USP31: variants seen among roughly 807,000 people sequenced by gnomAD.
The protein encoded by USP31 is ubiquitin carboxyl-terminal hydrolase 31.
USP31 carries 44 observed loss-of-function variants against 119.4 expected under a neutral mutation model. The observed-to-expected ratio is 0.37, with a 90% CI of 0.29 to 0.47. The LOEUF (loss-of-function observed/expected upper bound fraction) is 0.47, where lower values mean the gene tolerates loss of function less well. Ranked by LOEUF, USP31 falls within the 20% of genes least tolerant of loss-of-function variation. The probability of loss-of-function intolerance (pLI) is 0.99; values close to 1 mark genes in which losing one functional copy is unlikely to be tolerated. For missense variants in USP31, 1,643 were observed against 1,730.2 expected, an observed-to-expected ratio of 0.95 and a Z score of 0.89; for synonymous variants, 749 against 705.6, an observed-to-expected ratio of 1.06 and a Z score of -0.97.
intron 1 of USP31, among the ~76,000 whole-genome samples, chr16:23,136,437 G>A (rs1467810733): frequency 1.3e-5 from 2 of 152,178 alleles, no homozygotes; most frequent in Non-Finnish European, 2.9e-5. Context: ...TGGATCACCT[G>A]AGGTCAGGAG....
Position 23,149,323 on chromosome 16 carries a change from C to T in USP31, c.-53G>A, listed in dbSNP as rs1903649848. The T allele has an allele frequency of 9.9e-7, 1 of 1,011,180 alleles. No homozygotes were observed. The allele number at this position is 1,011,180 out of a possible 1,614,324, so 62.6% of individuals were successfully genotyped here. A position where few individuals can be genotyped will look rare whatever the true frequency, so the allele number is the denominator to read the frequency against. ...CGCCCGCCCGCCCGGCCCGCGGCCCCGCCACGGCCGCCGCCGCATCCCGCA... is the reference window on the plus strand; with the variant it reads ...CGCCCGCCCGCCCGGCCCGCGGCCCTGCCACGGCCGCCGCCGCATCCCGCA... On this transcript the variant is annotated 5_prime_UTR_variant, in exon 1 of 16. Transcript: ENST00000219689.
chr16:23,069,475 G>C lies in USP31; in HGVS notation c.2630C>G (p.Ser877Cys). The C allele has an allele frequency of 6.2e-7, 1 of 1,614,228 alleles. No individual in the cohort carries two copies. The highest frequency in any genetic ancestry group is 8.5e-7 in the Non-Finnish European group (1 of 1,180,044). Residue 877 changes from serine to cysteine, a missense_variant, in exon 16 of 16, where the codon TCC becomes TGC. By Grantham distance (112) the Ser-to-Cys change is moderately radical (BLOSUM62 -1). This residue lies in a region of USP31 where 699 missense variants were observed against 650.9 expected (regional missense o/e 1.07). Transcript: ENST00000219689. ...CCCTGAAAATCGGGATGGAGAATTG[G>C]AGCGCATCTGCAGCTTAGCAGACAG... ...WSLSAKLQMR[S>C]NSPSRFSGDS...
chr16:23,087,014 T>A, intron 9 of USP31, 78 bp downstream of exon 9: 1 of 1,098,958 alleles, frequency 9.1e-7, no homozygotes, highest in Non-Finnish European at 1.3e-6. Flanking sequence ...ATGTGGAAAT[T>A]ATATAAGACA....
intron 1 of USP31, among the ~76,000 whole-genome samples, chr16:23,134,815 G>T (rs1903138932): frequency 6.6e-6 from 1 of 151,438 alleles, no homozygotes; most frequent in Non-Finnish European, 1.5e-5. Flanking sequence ...ATATACAAAA[G>T]TACCAAACTA....
intron 1 of USP31, among the ~76,000 whole-genome samples, chr16:23,129,268 A>G (rs1460513201): frequency 6.6e-6 from 1 of 152,254 alleles, no homozygotes; most frequent in Non-Finnish European, 1.5e-5. Flanking sequence ...CAGATGTATC[A>G]ATCCATTGAA....
At chr16:23,107,165 AT>A (rs1902143013) in intron 2 of USP31, among the ~76,000 whole-genome samples, 1 of 151,860 alleles carries the variant, frequency 6.6e-6, no homozygotes, top group Admixed American at 6.6e-5. Flanking sequence ...CCTAGTACCT[AT>A]TACCTGTGCT....
intron 13 of USP31, among the ~76,000 whole-genome samples, chr16:23,074,535 T>C (rs4967964): frequency 0.27 from 41,631 of 152,158 alleles, 6,131 homozygotes; most frequent in Admixed American, 0.35. Flanking sequence ...AAAAGATTAA[T>C]CTGCTTGCCC....
Position 23,148,951 on chromosome 16 carries a change from C to T in USP31, c.320G>A (p.Cys107Tyr). The change falls in exon 1 of 16, where the codon TGC (cysteine) becomes TAC (tyrosine). Residue 107 changes from cysteine (C) to tyrosine (Y), a missense_variant. Physicochemically the swap from Cys to Tyr is radical, Grantham distance 194. Transcript: ENST00000219689. ...CGCGGGAGAGGCGGGCGGCGGCGGGCACGGCGGCGGCGTGGGCGCGGCGGC... is the reference window on the plus strand; with the variant it reads ...CGCGGGAGAGGCGGGCGGCGGCGGGTACGGCGGCGGCGTGGGCGCGGCGGC... ...GPAAAPTPPPCPPPPASPAPP... is the reference protein window; with the variant it reads ...GPAAAPTPPPYPPPPASPAPP... 2.9e-6 allele frequency: 3 copies of T among 1,044,108 alleles called. No homozygotes were observed. Among genetic ancestry groups the T allele is most frequent in the South Asian group, 4.4e-5 (1 of 22,504 alleles). 64.7% of individuals were successfully genotyped at this position (1,044,108 alleles called of 1,614,324 possible). A position where few individuals can be genotyped will look rare whatever the true frequency, so the allele number is the denominator to read the frequency against.
intron 1 of USP31, among the ~76,000 whole-genome samples, chr16:23,147,967 A>G (rs1903573069): frequency 6.6e-6 from 1 of 152,182 alleles, no homozygotes; most frequent in Admixed American, 6.5e-5. Flanking sequence ...GCCTGTCAGC[A>G]CATCAATCAC....
chr16:23,136,777 C>T (rs1191690927), intron 1 of USP31, among the ~76,000 whole-genome samples: 1 of 151,976 alleles, frequency 6.6e-6, no homozygotes, highest in Non-Finnish European at 1.5e-5. Flanking sequence ...ATATAAAGAA[C>T]TCTTAACAAT....
In USP31 at chr16:23,072,091, C is replaced by G. The variant is rs546697725; in HGVS notation, c.2442G>C (p.Ser814=). The change falls in exon 15 of 16, where the codon TCG becomes TCC. Residue 814 remains serine, a synonymous_variant. Transcript: ENST00000219689. ...AASSRRTSLA[S]LSESVEMTGE... ...CAGTCATCTCCACGGACTCAGAGAG[C>G]GACGCCAGGGAGGTGCGTCTGGAGG... is the stretch of plus-strand genomic sequence containing the variant. 5.6e-6 allele frequency: 9 copies of G among 1,613,558 alleles called. No homozygotes were observed. Among genetic ancestry groups the G allele is most frequent in the Non-Finnish European group, 7.6e-6 (9 of 1,179,968 alleles).
chr16:23,099,815 A>C (rs922143004), intron 6 of USP31, among the ~76,000 whole-genome samples: 4 of 152,236 alleles, frequency 2.6e-5, no homozygotes, highest in African/African-American at 9.6e-5. Context: ...ATATGTGAAA[A>C]TTCCTAAAAC....
intron 6 of USP31, among the ~76,000 whole-genome samples, chr16:23,091,802 G>A (rs1039263411): frequency 1.3e-5 from 2 of 152,096 alleles, no homozygotes; most frequent in East Asian, 1.9e-4. Context: ...AGCCACTAGA[G>A]GGAAGAAAAC....
In USP31 at chr16:23,062,384, A is replaced by ATTTT. The variant is rs1183604069; in HGVS notation, c.*5661_*5662insAAAA. 2.7e-5 allele frequency: 4 copies of ATTTT among 150,634 alleles called. No individual in the cohort carries two copies. The South Asian group carries it at 6.3e-4, about 24-fold the overall frequency. 9.3% of individuals were successfully genotyped at this position (150,634 alleles called of 1,614,324 possible). On this transcript the variant is annotated 3_prime_UTR_variant, in exon 16 of 16. Transcript: ENST00000219689. Reference sequence around the variant, plus strand: ...AGCAATAAGGGTTTTTTTTTTTTAAAAAAAAGACACCAAAGAAAATGTTTC... The same window carrying ATTTT: ...AGCAATAAGGGTTTTTTTTTTTTAAATTTTAAAAAGACACCAAAGAAAATGTTTC...
intron 6 of USP31, 141 bp from the exon 7 acceptor site, chr16:23,090,945 C>T (rs1020545815): frequency 3.9e-6 from 3 of 760,550 alleles, no homozygotes; most frequent in Non-Finnish European, 5.9e-6. Flanking sequence ...AAAGAAACAT[C>T]CTACTTAGAT....
Position 23,072,047 on chromosome 16 carries a change from T to C in USP31, c.2486A>G (p.Asp829Gly), listed in dbSNP as rs760697792. 5 of 1,609,606 alleles carry C rather than the reference T, an allele frequency of 3.1e-6. No homozygotes were observed. The African/African-American group carries it at 5.3e-5, about 17-fold the overall frequency. ...VEMTGERSED[D>G]GGFSTRPFVR... Reference sequence around the variant, plus strand: ...TTGTCACCAAAACCCACACCCACCATCATCTTCACTCCTTTCTCCAGTCAT... The same window carrying C: ...TTGTCACCAAAACCCACACCCACCACCATCTTCACTCCTTTCTCCAGTCAT... The change falls in exon 15 of 16, where the codon GAT (aspartate) becomes GGT (glycine). Residue 829 changes from aspartate (D) to glycine (G), a missense_variant and splice_region_variant. Coordinates refer to ENST00000219689, the MANE Select transcript of USP31 (RefSeq NM_020718.4).
intron 14 of USP31, 89 bp downstream of exon 14, chr16:23,073,633 T>C: frequency 6.9e-7 from 1 of 1,455,340 alleles, no homozygotes; most frequent in Non-Finnish European, 9.3e-7. Flanking sequence ...ACTGACAGAG[T>C]CATGAGAGCC....
chr16:23,079,767 G>C (rs549308576), intron 13 of USP31, 179 bp downstream of exon 13: 1 of 568,754 alleles, frequency 1.8e-6, no homozygotes, highest in African/African-American at 2.0e-5. Flanking sequence ...TCAGGAAAAG[G>C]AGGAAGAATG....
chr16:23,145,927 T>C (rs1378328177), intron 1 of USP31, among the ~76,000 whole-genome samples: 1 of 152,134 alleles, frequency 6.6e-6, no homozygotes, highest in Non-Finnish European at 1.5e-5. Flanking sequence ...CTACTAAAGG[T>C]TCAGGAGATT....
Sources: allele counts gnomAD v4.1 joint callset (sites outside exome capture counted in the v4.1 genomes callset), GRCh38; gene constraint gnomAD v4.1.1; regional missense constraint gnomAD v4.1.1; transcripts MANE v1.5; gene names NCBI Gene and HGNC (gene_info 2026-07-23, HGNC 2026-07-21).